Variants in SORCS1 observed in about 807,000 individuals in gnomAD.
SORCS1 encodes sortilin related VPS10 domain containing receptor 1, also known as VPS10 domain-containing receptor SorCS1.
SORCS1 carries 60 observed loss-of-function variants against 146.1 expected under a neutral mutation model. The observed-to-expected ratio is 0.41, with a 90% CI of 0.33 to 0.51. The LOEUF (loss-of-function observed/expected upper bound fraction) is 0.51, where lower values mean the gene tolerates loss of function less well. Ranked by LOEUF, SORCS1 falls within the 20% of genes least tolerant of loss-of-function variation. SORCS1 has a pLI of 0.21. For synonymous variants in SORCS1, 637 were observed against 584.0 expected (o/e 1.09, Z -1.31); for missense variants, 1,352 against 1,487.6 (o/e 0.91, Z 1.50).
At chr10:106,578,637 C>T in intron 25 of SORCS1, 1 of 994,518 alleles carries the variant, frequency 1.0e-6, no homozygotes, top group Non-Finnish European at 1.2e-6. Context: ...TACTGGTGTT[C>T]CAGAGCAGTT....
chr10:106,755,727 T>A (rs1159978860), intron 5 of SORCS1, among the ~76,000 whole-genome samples: 2 of 152,104 alleles, frequency 1.3e-5, no homozygotes, highest in African/African-American at 2.4e-5. Flanking sequence ...CCTACATGAG[T>A]AATGAATTAT....
At chr10:106,933,349 C>T (rs1279758001) in intron 2 of SORCS1, among the ~76,000 whole-genome samples, 1 of 152,204 alleles carries the variant, frequency 6.6e-6, no homozygotes, top group African/African-American at 2.4e-5. Flanking sequence ...TGGGGCCACA[C>T]ATATACTATT....
chr10:107,074,119 A>G (rs1016666797), intron 1 of SORCS1, among the ~76,000 whole-genome samples: 1 of 152,168 alleles, frequency 6.6e-6, no homozygotes, highest in Non-Finnish European at 1.5e-5. Flanking sequence ...GGACAAATTT[A>G]TAATGGCATG....
chr10:106,949,153 C>T (rs954768760), intron 2 of SORCS1, among the ~76,000 whole-genome samples: 9 of 152,146 alleles, frequency 5.9e-5, no homozygotes, highest in Non-Finnish European at 1.0e-4. Flanking sequence ...AACATTTGTA[C>T]GCACAGGTGT....
chr10:107,112,163 T>TA (rs530845846), intron 1 of SORCS1, among the ~76,000 whole-genome samples: 111 of 150,162 alleles, frequency 7.4e-4, no homozygotes, highest in African/African-American at 2.3e-3. Context: ...TTAAAAAGCA[T>TA]AAAAAAAAAC....
At chr10:106,754,341 T>C (rs767032191) in intron 5 of SORCS1, among the ~76,000 whole-genome samples, 1 of 152,166 alleles carries the variant, frequency 6.6e-6, no homozygotes, top group Non-Finnish European at 1.5e-5. Flanking sequence ...AGTGGAATGA[T>C]GGGGAGAGAT....
At chr10:106,843,296 C>T (rs921311573) in intron 2 of SORCS1, among the ~76,000 whole-genome samples, 2 of 152,162 alleles carry the variant, frequency 1.3e-5, no homozygotes, top group African/African-American at 2.4e-5. Flanking sequence ...CTCTCTGTTA[C>T]TATGAGTCTG....
intron 16 of SORCS1, among the ~76,000 whole-genome samples, chr10:106,668,279 C>A (rs967647314): frequency 6.6e-6 from 1 of 152,342 alleles, no homozygotes; most frequent in East Asian, 1.9e-4. Flanking sequence ...TGAGCCAGGT[C>A]TCTCTGTGTA....
At chr10:107,044,870 G>T (rs553553302) in intron 1 of SORCS1, among the ~76,000 whole-genome samples, 1 of 151,336 alleles carries the variant, frequency 6.6e-6, no homozygotes, top group East Asian at 1.9e-4. Context: ...ATGTATTATA[G>T]GTGCTGCATC....
rs144476415 is a variant in SORCS1, at chr10:106,762,329, C to T, written c.886-668G>A. On this transcript the variant is annotated intron_variant, in intron 4 of 25. Transcript: ENST00000263054. ...ATCTAAGTAATAATTACACATTATT[C>T]AGGCATCTAGCCAAGGAGAATCTGT... 2.6e-3 allele frequency among the ~76,000 whole-genome samples: 388 copies of T among 151,242 alleles called. 1 individual carries two copies. Among genetic ancestry groups the T allele is most frequent in the African/African-American group, 8.8e-3 (364 of 41,244 alleles).
At chr10:106,907,415 C>A (rs1288566312) in intron 2 of SORCS1, among the ~76,000 whole-genome samples, 5 of 151,968 alleles carry the variant, frequency 3.3e-5, no homozygotes, top group African/African-American at 1.2e-4. Flanking sequence ...ATTAAACTAA[C>A]TACTTGTGTC....
At chr10:107,154,615 T>G (rs886730150) in intron 1 of SORCS1, among the ~76,000 whole-genome samples, 54 of 152,086 alleles carry the variant, frequency 3.6e-4, no homozygotes, top group Non-Finnish European at 6.6e-4. Flanking sequence ...CTGACAGGGA[T>G]GCTAAGAAGA....
At chr10:106,786,162 T>G in intron 3 of SORCS1, among the ~76,000 whole-genome samples, 1 of 152,240 alleles carries the variant, frequency 6.6e-6, no homozygotes, top group East Asian at 1.9e-4. Flanking sequence ...AGGAGTTCTA[T>G]TCTACTTATG....
At chr10:106,916,642 A>T (rs1952446613) in intron 2 of SORCS1, among the ~76,000 whole-genome samples, 1 of 149,460 alleles carries the variant, frequency 6.7e-6, no homozygotes, top group Non-Finnish European at 1.5e-5. Flanking sequence ...CTGGAAAAAA[A>T]ATTTATAAAA....
chr10:106,640,162 T>C (rs574973509), intron 18 of SORCS1, among the ~76,000 whole-genome samples: 1 of 152,310 alleles, frequency 6.6e-6, no homozygotes, highest in African/African-American at 2.4e-5. Flanking sequence ...CAAGTGAGTA[T>C]CTTGAAGAAA....
intron 1 of SORCS1, among the ~76,000 whole-genome samples, chr10:107,009,032 T>C (rs1277147071): frequency 1.3e-5 from 2 of 152,146 alleles, no homozygotes; most frequent in Admixed American, 1.3e-4. Flanking sequence ...TTATTATAAC[T>C]CTCTATTTTG....
intron 2 of SORCS1, among the ~76,000 whole-genome samples, chr10:106,929,043 C>T (rs193001626): frequency 6.6e-6 from 1 of 151,966 alleles, no homozygotes; most frequent in Admixed American, 6.6e-5. Flanking sequence ...CATATTAAAT[C>T]ATCCATAAGA....
At chr10:106,915,233 G>A (rs1017669124) in intron 2 of SORCS1, among the ~76,000 whole-genome samples, 2 of 152,098 alleles carry the variant, frequency 1.3e-5, no homozygotes, top group Admixed American at 6.5e-5. Context: ...TGTCCTGTTA[G>A]GCATGCTAGG....
intron 1 of SORCS1, among the ~76,000 whole-genome samples, chr10:107,050,733 A>G (rs917813674): frequency 2.0e-5 from 3 of 152,140 alleles, no homozygotes; most frequent in African/African-American, 4.8e-5. Flanking sequence ...GGGACTGGGT[A>G]TTTTCTTTTT....
Sources: gnomAD v4.1 joint callset for allele counts (sites outside exome capture counted in the v4.1 genomes callset) on GRCh38, gnomAD v4.1.1 for gene constraint, MANE v1.5 for transcripts, NCBI Gene and HGNC (gene_info 2026-07-23, HGNC 2026-07-21) for gene names.